CTNNBIP1: variants seen among roughly 807,000 people sequenced by gnomAD.
The protein encoded by CTNNBIP1 is beta-catenin-interacting protein 1.
A neutral mutation model predicts 11.8 loss-of-function variants in CTNNBIP1; 7 were observed. The ratio of observed to expected loss-of-function variants is 0.60; its 90% CI spans 0.34 to 1.12. CTNNBIP1 has a LOEUF of 1.12. Ranked by LOEUF, CTNNBIP1 falls within the 50% of genes most tolerant of loss-of-function variation. CTNNBIP1 has a pLI of 0.03. For missense variants in CTNNBIP1, 101 were observed against 113.4 expected (o/e 0.89, Z 0.50); for synonymous variants, 58 against 43.9 (o/e 1.32, Z -1.26).
chr1:9,894,521 G>A (rs1639371106), intron 1 of CTNNBIP1, among the ~76,000 whole-genome samples: 1 of 150,052 alleles, frequency 6.7e-6, no homozygotes, highest in Admixed American at 6.6e-5. Flanking sequence ...ACACTCGACT[G>A]CTTTTTTTTT....
intron 5 of CTNNBIP1, among the ~76,000 whole-genome samples, chr1:9,870,121 A>G (rs1359859552): frequency 6.6e-6 from 1 of 152,210 alleles, no homozygotes; most frequent in Non-Finnish European, 1.5e-5. Context: ...GAGCCCTAAG[A>G]CATCCAGGAG....
Position 9,877,174 on chromosome 1 carries a change from G to A in CTNNBIP1, c.-25+731C>T, listed in dbSNP as rs1346778268. On this transcript the variant is annotated intron_variant, in intron 3 of 5. Transcript: ENST00000377263. Reference sequence around the variant, plus strand: ...GAAGAATTAGGAGGTAGTGCAAGAGGGACCTGGAGAACAAGACTGCTGAAA... The same window carrying A: ...GAAGAATTAGGAGGTAGTGCAAGAGAGACCTGGAGAACAAGACTGCTGAAA... 4.6e-5 allele frequency among the ~76,000 whole-genome samples: 7 copies of A among 152,314 alleles called. No homozygotes were observed. The South Asian group carries it at 1.5e-3, about 32-fold the overall frequency.
chr1:9,887,565 T>C (rs886926374), intron 1 of CTNNBIP1, among the ~76,000 whole-genome samples: 2 of 151,928 alleles, frequency 1.3e-5, no homozygotes, highest in African/African-American at 4.8e-5. Flanking sequence ...TAGCTGGGCA[T>C]GGTGGCACAC....
intron 5 of CTNNBIP1, among the ~76,000 whole-genome samples, chr1:9,858,788 TCTTTA>T (rs1215882665): frequency 2.6e-5 from 4 of 152,170 alleles, no homozygotes; most frequent in Non-Finnish European, 5.9e-5. Context: ...ACAGGATGAA[TCTTTA>T]CTTTACAGAT....
chr1:9,891,550 T>C (rs1016520374), intron 1 of CTNNBIP1, among the ~76,000 whole-genome samples: 11 of 152,038 alleles, frequency 7.2e-5, no homozygotes, highest in Non-Finnish European at 1.5e-4. Flanking sequence ...AGCAGCCCCC[T>C]CCTCACCACC....
At chr1:9,873,253 T>C (rs1557753582) in intron 3 of CTNNBIP1, among the ~76,000 whole-genome samples, 1 of 152,126 alleles carries the variant, frequency 6.6e-6, no homozygotes, top group Non-Finnish European at 1.5e-5. Context: ...TCCAGCAACT[T>C]CTGCTAAACC....
In CTNNBIP1 at chr1:9,874,880, G is replaced by C. The variant is rs553338610; in HGVS notation, c.-24-2792C>G. Reference sequence around the variant, plus strand: ...ACACTTTCAAAGTAGTGGGCCTTGGGCTATTGTGTTCTCCAAAGAACATCT... The same window carrying C: ...ACACTTTCAAAGTAGTGGGCCTTGGCCTATTGTGTTCTCCAAAGAACATCT... On this transcript the variant is annotated intron_variant, in intron 3 of 5. Transcript: ENST00000377263. Among the ~76,000 whole-genome samples the C allele has an allele frequency of 2.0e-5, 3 of 152,328 alleles. No homozygotes were observed. The East Asian group carries it at 5.8e-4, about 29-fold the overall frequency.
At chr1:9,859,058 T>G (rs1638568634) in intron 5 of CTNNBIP1, among the ~76,000 whole-genome samples, 1 of 152,058 alleles carries the variant, frequency 6.6e-6, no homozygotes, top group Non-Finnish European at 1.5e-5. Flanking sequence ...TGGAGATAAT[T>G]CAACATGGAA....
chr1:9,869,938 CG>C (rs1322562087), intron 5 of CTNNBIP1, among the ~76,000 whole-genome samples: 1 of 152,226 alleles, frequency 6.6e-6, no homozygotes, highest in Non-Finnish European at 1.5e-5. Flanking sequence ...AACAGGCTGC[CG>C]CATGATCCAG....
intron 1 of CTNNBIP1, among the ~76,000 whole-genome samples, chr1:9,892,228 C>T (rs190798729): frequency 0.012 from 1,896 of 152,090 alleles, 33 homozygotes; most frequent in South Asian, 0.074. Flanking sequence ...CAAGACCATC[C>T]TGGCTAACAC....
chr1:9,857,809 T>TAAC lies in CTNNBIP1; in HGVS notation c.188-7036_188-7034dup, dbSNP rs199798148. On this transcript the variant is annotated intron_variant, in intron 5 of 5. Coordinates refer to ENST00000377263, the MANE Select transcript of CTNNBIP1 (RefSeq NM_020248.3). ...GACCAAGATTCCGTCTCAAAAACAA[T>TAAC]AACAACAACAACAACAAAAATCCAA... Among the ~76,000 whole-genome samples the TAAC allele has an allele frequency of 5.9e-5, 9 of 152,078 alleles. No homozygotes were observed. In the South Asian group the frequency reaches 1.7e-3, roughly 28 times the overall value.
chr1:9,864,297 C>T (rs1427624979), intron 5 of CTNNBIP1, among the ~76,000 whole-genome samples: 1 of 152,218 alleles, frequency 6.6e-6, no homozygotes, highest in South Asian at 2.1e-4. Flanking sequence ...AAGTCTAGGT[C>T]TAGGCGGGGT....
intron 5 of CTNNBIP1, among the ~76,000 whole-genome samples, chr1:9,854,211 C>T (rs965963881): frequency 6.6e-6 from 1 of 152,052 alleles, no homozygotes; most frequent in Non-Finnish European, 1.5e-5. Context: ...CCCATCTCTA[C>T]TAAAAATACA....
At chr1:9,863,132 A>G (rs1045678125) in intron 5 of CTNNBIP1, among the ~76,000 whole-genome samples, 3 of 152,052 alleles carry the variant, frequency 2.0e-5, no homozygotes, top group Non-Finnish European at 4.4e-5. Context: ...CTGGAGCCGC[A>G]GCCAGGTGCT....
intron 1 of CTNNBIP1, among the ~76,000 whole-genome samples, chr1:9,895,413 G>T (rs1263953595): frequency 6.8e-6 from 1 of 146,552 alleles, no homozygotes; most frequent in Non-Finnish European, 1.5e-5. Context: ...GGGCAGGCTG[G>T]TCTTGAACTC....
chr1:9,850,642 G>C lies in CTNNBIP1; in HGVS notation c.*76C>G. The C allele has an allele frequency of 7.2e-7, 1 of 1,390,130 alleles. No homozygotes were observed. The highest frequency in any genetic ancestry group is 1.0e-6 in the Non-Finnish European group (1 of 976,742). The allele number at this position is 1,390,130 out of a possible 1,614,324, so 86.1% of individuals were successfully genotyped here. ...GGGAGGTGGGGCAAGGGGGGCTGCT[G>C]CCACTCAGCCGGCCCAGGAGCCACA... On this transcript the variant is annotated 3_prime_UTR_variant, in exon 6 of 6. Coordinates refer to ENST00000377263, the MANE Select transcript of CTNNBIP1 (RefSeq NM_020248.3).
intron 1 of CTNNBIP1, among the ~76,000 whole-genome samples, 199 bp downstream of exon 1, chr1:9,909,896 C>CG (rs1639701087): frequency 1.3e-5 from 2 of 151,902 alleles, no homozygotes; most frequent in Non-Finnish European, 2.9e-5. Flanking sequence ...GTCAGGGAGG[C>CG]GGGAGGTGGT....
intron 1 of CTNNBIP1, among the ~76,000 whole-genome samples, chr1:9,890,425 A>G (rs1396725137): frequency 7.0e-6 from 1 of 142,120 alleles, no homozygotes; most frequent in African/African-American, 3.1e-5. Context: ...CTTAATTTTA[A>G]AAGAGGTTCT....
At chr1:9,881,329 ATTTTTTTTT>A (rs60318288) in intron 2 of CTNNBIP1, among the ~76,000 whole-genome samples, 1 of 49,488 alleles carries the variant, frequency 2.0e-5, no homozygotes, top group Non-Finnish European at 4.0e-5. Flanking sequence ...CAGCCTTGAA[ATTTTTTTTT>A]TTTTTTTTTT....
Sources: gnomAD v4.1 joint callset for allele counts (sites outside exome capture counted in the v4.1 genomes callset) on GRCh38, gnomAD v4.1.1 for gene constraint, MANE v1.5 for transcripts, NCBI Gene and HGNC (gene_info 2026-07-23, HGNC 2026-07-21) for gene names.